The following UBR2 variants were observed in gnomAD, a reference collection of about 807,000 sequenced individuals.
UBR2 encodes the protein ubiquitin protein ligase E3 component n-recognin 2.
A neutral mutation model predicts 247.9 loss-of-function variants in UBR2; 92 were observed. That is an observed-to-expected ratio of 0.37 (90% confidence interval 0.31 to 0.44). The LOEUF is 0.44. Ranked by LOEUF, UBR2 falls within the 20% of genes least tolerant of loss-of-function variation. The pLI is 1.00. For missense variants in UBR2, 1,613 were observed against 2,112.6 expected (o/e 0.76, Z 4.64); for synonymous variants, 672 against 693.5 (o/e 0.97, Z 0.49).
intron 36 of UBR2, among the ~76,000 whole-genome samples, chr6:42,671,831 G>A (rs1472614527): frequency 1.3e-5 from 2 of 152,062 alleles, no homozygotes; most frequent in Non-Finnish European, 2.9e-5. Flanking sequence ...CCCCATCTAT[G>A]CCTCTGATTT....
Position 42,653,791 on chromosome 6 carries a change from A to G in UBR2, c.2769+1146A>G, listed in dbSNP as rs112441073. Among the ~76,000 whole-genome samples, 51 of 151,482 alleles carry G rather than the reference A, an allele frequency of 3.4e-4. 1 individual carries two copies. The highest frequency in any genetic ancestry group is 1.2e-3 in the African/African-American group (48 of 41,252). On this transcript the variant is annotated intron_variant, in intron 25 of 46. Coordinates refer to ENST00000372901, the MANE Select transcript of UBR2 (RefSeq NM_001363705.2). ...TCACGAAGCCCAGCTAATTTTTTGT[A>G]TTTTTAGTAGAGACAGGGTTTCACC...
chr6:42,569,751 G>T (rs1213788577), intron 1 of UBR2, among the ~76,000 whole-genome samples: 2 of 152,146 alleles, frequency 1.3e-5, no homozygotes, highest in African/African-American at 2.4e-5. Flanking sequence ...AACCTCTAGG[G>T]ATTCTTTCAT....
intron 11 of UBR2, among the ~76,000 whole-genome samples, chr6:42,618,825 C>T (rs896189064): frequency 6.6e-6 from 1 of 152,150 alleles, no homozygotes; most frequent in Non-Finnish European, 1.5e-5. Flanking sequence ...CAGAACCGGC[C>T]AAGTGGGTTT....
intron 2 of UBR2, among the ~76,000 whole-genome samples, chr6:42,579,475 G>A (rs947889331): frequency 2.0e-5 from 3 of 152,186 alleles, no homozygotes; most frequent in African/African-American, 7.2e-5. Flanking sequence ...TCTTTATAAT[G>A]TGAATAGTCC....
rs1435451128 is a variant in UBR2 at position 42,607,867 on chromosome 6, T to C, written c.864+1216T>C. ...AATATCCATCAACATTATATAGGGG[T>C]CTTTAAACATTATGTAACAAGATAC... On this transcript the variant is annotated intron_variant, in intron 7 of 46. Transcript: ENST00000372901. Among the ~76,000 whole-genome samples the C allele has an allele frequency of 3.9e-5, 6 of 152,110 alleles. No homozygotes were observed. The East Asian group carries it at 1.2e-3, about 29-fold the overall frequency.
At chr6:42,670,960 A>T (rs766196091) in intron 36 of UBR2, among the ~76,000 whole-genome samples, 1 of 152,154 alleles carries the variant, frequency 6.6e-6, no homozygotes, top group Non-Finnish European at 1.5e-5. Context: ...CCGAGGCAGG[A>T]GGATCACCTG....
rs549292848 is a variant in UBR2, at chr6:42,640,391, T to G, written c.1920+121T>G. On this transcript the variant is annotated intron_variant, in intron 16 of 46. Coordinates refer to ENST00000372901, the MANE Select transcript of UBR2 (RefSeq NM_001363705.2). ...AGGAACAGAACCAGTAAGGTGTGTGTGTGTGTGTGTGTGTGTGTGTGTGTG... is the reference window on the plus strand; with the variant it reads ...AGGAACAGAACCAGTAAGGTGTGTGGGTGTGTGTGTGTGTGTGTGTGTGTG... The G allele has an allele frequency of 7.6e-4, 37 of 48,392 alleles. 1 individual carries two copies. In the East Asian group the frequency reaches 0.076, roughly 99 times the overall value. The allele number at this position is 48,392 out of a possible 1,614,324, so 3.0% of individuals were successfully genotyped here.
rs1204048108 is a variant in UBR2, at chr6:42,652,634, A to G, written c.2758A>G (p.Met920Val). 6.2e-7 allele frequency: 1 copy of G among 1,610,630 alleles called. No homozygotes were observed. Among genetic ancestry groups the G allele is most frequent in the Non-Finnish European group, 8.5e-7 (1 of 1,179,390 alleles). ...TAATGGATATGCCTGGTCAGAGTCC[A>G]TGCTGCAAAGGGTAGGTTTGAAGAC... ...EHNGYAWSES[M>V]LQRVLHLIGM... Residue 920 changes from methionine to valine, a missense_variant, in exon 25 of 47, where the codon ATG becomes GTG. By Grantham distance (21) the Met-to-Val change is conservative. This residue lies in a region of UBR2 where 1,524 missense variants were observed against 1,967.3 expected (regional missense o/e 0.77). Transcript: ENST00000372901.
chr6:42,590,132 A>G (rs1468376883), intron 2 of UBR2, among the ~76,000 whole-genome samples: 1 of 152,200 alleles, frequency 6.6e-6, no homozygotes, highest in African/African-American at 2.4e-5. Flanking sequence ...ATGTTAAAAT[A>G]ATATATGTGT....
intron 11 of UBR2, among the ~76,000 whole-genome samples, chr6:42,624,339 G>GC (rs1303973362): frequency 2.0e-5 from 3 of 149,738 alleles, no homozygotes; most frequent in East Asian, 3.9e-4. Flanking sequence ...TGAGTTGGTG[G>GC]GGGGGGTGTT....
chr6:42,613,345 G>A (rs975430085), intron 8 of UBR2, among the ~76,000 whole-genome samples: 5 of 152,214 alleles, frequency 3.3e-5, no homozygotes, highest in Non-Finnish European at 7.3e-5. Flanking sequence ...TTAGAAAAGA[G>A]CATTACTACA....
chr6:42,614,696 A>G (rs1794427019), intron 8 of UBR2, among the ~76,000 whole-genome samples: 2 of 152,144 alleles, frequency 1.3e-5, no homozygotes, highest in Admixed American at 1.3e-4. Context: ...AGCACATTTT[A>G]TATTTCAATT....
At chr6:42,586,538 C>CTTTTTTTTTTTTTT (rs147830824) in intron 2 of UBR2, among the ~76,000 whole-genome samples, 10 of 97,244 alleles carry the variant, frequency 1.0e-4, no homozygotes, top group South Asian at 3.6e-4. Context: ...GTTTGTCTCT[C>CTTTTTTTTTTTTTT]TTTTTTTTTT....
intron 31 of UBR2, 123 bp downstream of exon 31, chr6:42,662,400 A>G (rs927872581): frequency 9.7e-6 from 6 of 617,166 alleles, no homozygotes; most frequent in East Asian, 2.9e-5. Flanking sequence ...AATCCGTATC[A>G]TTGCCTAATA....
chr6:42,673,764 T>C, intron 36 of UBR2, 27 bp from the exon 37 acceptor site: 18 of 1,587,606 alleles, frequency 1.1e-5, no homozygotes, highest in Non-Finnish European at 1.6e-5. Context: ...ATTTTTGTTT[T>C]TTGTTAATTG....
chr6:42,591,920 T>C (rs1374217347), intron 2 of UBR2, among the ~76,000 whole-genome samples: 1 of 152,210 alleles, frequency 6.6e-6, no homozygotes, highest in Non-Finnish European at 1.5e-5. Context: ...GTTCTAATAA[T>C]ATGTGCCTTG....
chr6:42,649,977 T>C (rs907589171), intron 22 of UBR2, among the ~76,000 whole-genome samples: 9 of 152,232 alleles, frequency 5.9e-5, no homozygotes, highest in African/African-American at 2.2e-4. Context: ...CTGTTAATGG[T>C]GTTCAGTTGT....
chr6:42,644,244 T>G lies in UBR2; in HGVS notation c.2128T>G (p.Phe710Val). 1.2e-6 allele frequency: 2 copies of G among 1,612,322 alleles called. No homozygotes were observed. Among genetic ancestry groups the G allele is most frequent in the Non-Finnish European group, 1.7e-6 (2 of 1,179,598 alleles). Residue 710 changes from phenylalanine (F) to valine (V), a missense_variant, in exon 19 of 47, where the codon TTC becomes GTC. Transcript: ENST00000372901. ...TGTCTCCATGATGGATCCAAATCAT[T>G]TCCTGATGATCATGCTCAGCCGCTT... Reference protein sequence around the residue: ...TGVSMMDPNHFLMIMLSRFEL... With the variant: ...TGVSMMDPNHVLMIMLSRFEL...
At chr6:42,673,437 T>C (rs899838755) in intron 36 of UBR2, among the ~76,000 whole-genome samples, 1 of 152,208 alleles carries the variant, frequency 6.6e-6, no homozygotes, top group African/African-American at 2.4e-5. Context: ...TTCTCCTTCC[T>C]CAGCCTCTCG....
Sources: gnomAD v4.1 joint callset for allele counts (sites outside exome capture counted in the v4.1 genomes callset) on GRCh38, gnomAD v4.1.1 for gene constraint, gnomAD v4.1.1 regional missense constraint, MANE v1.5 for transcripts, NCBI Gene and HGNC (gene_info 2026-07-23, HGNC 2026-07-21) for gene names.